Variants in VOPP1 observed in about 807,000 individuals in gnomAD.
VOPP1 encodes the protein WW domain binding protein VOPP1.
Under a neutral mutation model 23.5 loss-of-function variants are expected in VOPP1, and 8 were observed. That is an observed-to-expected ratio of 0.34 (90% confidence interval 0.20 to 0.61). The LOEUF is 0.61. Among genes scored for constraint, VOPP1 ranks in the 20% least tolerant of loss-of-function variants. The pLI, the probability that VOPP1 is intolerant of heterozygous loss-of-function variation, is 0.78. For synonymous variants in VOPP1, 83 were observed against 97.3 expected (o/e 0.85, Z 0.86); for missense variants, 174 against 238.1 (o/e 0.73, Z 1.77).
At chr7:55,459,507 C>A (rs1200925041) in intron 4 of VOPP1, among the ~76,000 whole-genome samples, 1 of 152,094 alleles carries the variant, frequency 6.6e-6, no homozygotes, top group Non-Finnish European at 1.5e-5. Context: ...CACTACTGGG[C>A]TTCTCTTTGT....
intron 1 of VOPP1, chr7:55,537,630 A>G: frequency 2.6e-6 from 4 of 1,530,342 alleles, no homozygotes; most frequent in Non-Finnish European, 3.5e-6. Context: ...CGGAGCACAC[A>G]TAAATAAAGC....
intron 1 of VOPP1, chr7:55,552,818 G>A: frequency 6.8e-7 from 1 of 1,463,606 alleles, no homozygotes; most frequent in Non-Finnish European, 9.0e-7. Context: ...GAGTCACTCA[G>A]CCATGCTCAA....
chr7:55,466,141 C>T (rs112052405), downstream of VOPP1, among the ~76,000 whole-genome samples: 5 of 152,150 alleles, frequency 3.3e-5, no homozygotes, highest in South Asian at 2.1e-4. Context: ...CACCAGACAC[C>T]GAACCTACTG....
intron 2 of VOPP1, among the ~76,000 whole-genome samples, chr7:55,519,866 G>A (rs1795725700): frequency 6.6e-6 from 1 of 152,188 alleles, no homozygotes; most frequent in South Asian, 2.1e-4. Flanking sequence ...GGTGACTCAC[G>A]CCTCTAATCC....
chr7:55,469,893 A>C (rs866181666), downstream of VOPP1, among the ~76,000 whole-genome samples: 38 of 152,296 alleles, frequency 2.5e-4, no homozygotes, highest in Middle Eastern at 0.02. Flanking sequence ...TGCTTTAAGA[A>C]GGCAAAAATA....
intron 2 of VOPP1, among the ~76,000 whole-genome samples, chr7:55,520,505 AAT>A (rs567778727): frequency 0.011 from 1,668 of 152,312 alleles, 11 homozygotes; most frequent in Middle Eastern, 0.02. Flanking sequence ...AAAATGCAGC[AAT>A]GCCCTCATTA....
At chr7:55,509,991 G>A (rs1444080760) in intron 2 of VOPP1, among the ~76,000 whole-genome samples, 1 of 152,108 alleles carries the variant, frequency 6.6e-6, no homozygotes, top group Non-Finnish European at 1.5e-5. Flanking sequence ...CCAGAGGACC[G>A]TGTCGTCATA....
chr7:55,492,764 T>C (rs1261387699), intron 3 of VOPP1: 3 of 183,320 alleles, frequency 1.6e-5, no homozygotes, highest in Middle Eastern at 2.2e-3. Context: ...CTCGACATTT[T>C]AGTTAGAAGA....
At chr7:55,492,629 T>G (rs1455468711) in intron 3 of VOPP1, among the ~76,000 whole-genome samples, 1 of 152,172 alleles carries the variant, frequency 6.6e-6, no homozygotes, top group Admixed American at 6.5e-5. Flanking sequence ...CTCTAGTGGA[T>G]AGCAACAAGT....
chr7:55,564,348 C>T (rs1283225225), intron 1 of VOPP1, among the ~76,000 whole-genome samples: 1 of 151,858 alleles, frequency 6.6e-6, no homozygotes, highest in Non-Finnish European at 1.5e-5. Flanking sequence ...CTCCATAATG[C>T]CATGTTTTGG....
chr7:55,503,747 C>T (rs913301973), intron 2 of VOPP1, among the ~76,000 whole-genome samples: 1 of 152,154 alleles, frequency 6.6e-6, no homozygotes, highest in Admixed American at 6.5e-5. Context: ...CTCCCCACCA[C>T]GTGAGGATGG....
chr7:55,477,457 G>A (rs1792349817), intron 4 of VOPP1, among the ~76,000 whole-genome samples: 1 of 152,200 alleles, frequency 6.6e-6, no homozygotes, highest in Admixed American at 6.5e-5. Flanking sequence ...TATGACAGGA[G>A]TGACTGGCTG....
chr7:55,493,003 A>G (rs1365209512), intron 3 of VOPP1: 1 of 152,298 alleles, frequency 6.6e-6, no homozygotes, highest in African/African-American at 2.4e-5. Flanking sequence ...ATCAATGAAA[A>G]TAGAATCAAG....
chr7:55,495,619 T>C (rs1288862961), intron 3 of VOPP1, among the ~76,000 whole-genome samples: 2 of 152,250 alleles, frequency 1.3e-5, no homozygotes, highest in South Asian at 2.1e-4. Flanking sequence ...GGCTTGAAAG[T>C]ATCCACACCT....
intron 4 of VOPP1, among the ~76,000 whole-genome samples, chr7:55,449,170 G>C (rs553799056): frequency 6.6e-6 from 1 of 152,336 alleles, no homozygotes; most frequent in East Asian, 1.9e-4. Context: ...GAAGTGCTTG[G>C]CAGGTGTCCG....
chr7:55,564,243 G>GTCTCTCTCTGTCTCTGTC (rs1554302408), intron 1 of VOPP1, among the ~76,000 whole-genome samples: 1 of 125,896 alleles, frequency 7.9e-6, no homozygotes, highest in Admixed American at 7.7e-5. Flanking sequence ...CTCTGTCTCT[G>GTCTCTCTCTGTCTCTGTC]TCTCTCTCTC....
intron 4 of VOPP1, among the ~76,000 whole-genome samples, chr7:55,478,892 G>T (rs1792475131): frequency 6.6e-6 from 1 of 152,198 alleles, no homozygotes; most frequent in South Asian, 2.1e-4. Context: ...GGACACTGTT[G>T]CATCTGTGAG....
intron 2 of VOPP1, chr7:55,515,931 CCTA>C: frequency 1.0e-6 from 1 of 982,342 alleles, no homozygotes; most frequent in Non-Finnish European, 1.2e-6. Flanking sequence ...TCGGTCAGTT[CCTA>C]CCTTTATCTT....
intron 1 of VOPP1, among the ~76,000 whole-genome samples, chr7:55,551,716 A>C (rs1413067771): frequency 6.6e-6 from 1 of 152,076 alleles, no homozygotes; most frequent in African/African-American, 2.4e-5. Context: ...AAGCAGAAAA[A>C]ATCTGAAGGA....
Sources: allele counts gnomAD v4.1 joint callset (sites outside exome capture counted in the v4.1 genomes callset), GRCh38; gene constraint gnomAD v4.1.1; transcripts MANE v1.5; gene names NCBI Gene and HGNC (gene_info 2026-07-23, HGNC 2026-07-21).